Variants in ABCC4 observed in about 807,000 individuals in gnomAD.
ABCC4 encodes ATP binding cassette subfamily C member 4 (PEL blood group), also known as ATP-binding cassette sub-family C member 4.
A neutral mutation model predicts 168.5 loss-of-function variants in ABCC4; 102 were observed. That is an observed-to-expected ratio of 0.61 (90% CI 0.52 to 0.71). ABCC4 has a LOEUF of 0.71. Among genes scored for constraint, ABCC4 ranks in the 30% least tolerant of loss-of-function variants. The probability of loss-of-function intolerance (pLI) is 0.00; values close to 1 mark genes in which losing one functional copy is unlikely to be tolerated. For synonymous variants in ABCC4, 617 were observed against 590.7 expected (o/e 1.04, Z -0.65); for missense variants, 1,402 against 1,605.8 (o/e 0.87, Z 2.17).
At chr13:95,082,645 T>A (rs1280018839) in intron 21 of ABCC4, among the ~76,000 whole-genome samples, 1 of 152,210 alleles carries the variant, frequency 6.6e-6, no homozygotes, top group Non-Finnish European at 1.5e-5. Context: ...GCAAAAGTCA[T>A]AAATTTACCA....
At chr13:95,074,136 G>T in intron 23 of ABCC4, 78 bp downstream of exon 23, 4 of 1,107,310 alleles carry the variant, frequency 3.6e-6, no homozygotes, top group Non-Finnish European at 5.2e-6. Context: ...AGTAGACAAG[G>T]TGGCAAGAGT....
chr13:95,240,169 G>A (rs1172660210), intron 3 of ABCC4, among the ~76,000 whole-genome samples: 2 of 152,224 alleles, frequency 1.3e-5, no homozygotes, highest in African/African-American at 4.8e-5. Context: ...GGTCACAAGA[G>A]GGGAGGAGGG....
chr13:95,223,866 A>G (rs1391269607), intron 4 of ABCC4, among the ~76,000 whole-genome samples: 1 of 152,192 alleles, frequency 6.6e-6, no homozygotes, highest in Non-Finnish European at 1.5e-5. Context: ...GAAATAAAGG[A>G]GAAAAGAAAA....
chr13:95,216,199 T>G (rs2039104430), intron 4 of ABCC4, among the ~76,000 whole-genome samples: 1 of 152,214 alleles, frequency 6.6e-6, no homozygotes, highest in South Asian at 2.1e-4. Context: ...AAGCAATTAT[T>G]TTTTCAATGA....
intron 19 of ABCC4, among the ~76,000 whole-genome samples, chr13:95,148,454 C>T (rs1480988497): frequency 6.6e-6 from 1 of 152,026 alleles, no homozygotes; most frequent in Non-Finnish European, 1.5e-5. Context: ...TGGGTGAAGT[C>T]AAAGGACATC....
chr13:95,221,277 G>A (rs934185771), intron 4 of ABCC4, among the ~76,000 whole-genome samples: 1 of 152,118 alleles, frequency 6.6e-6, no homozygotes, highest in Non-Finnish European at 1.5e-5. Flanking sequence ...TGCCCAGGAT[G>A]GCGTACAGTG....
chr13:95,285,645 T>C (rs2041238750), intron 1 of ABCC4, among the ~76,000 whole-genome samples: 1 of 152,114 alleles, frequency 6.6e-6, no homozygotes, highest in Admixed American at 6.6e-5. Flanking sequence ...GCAGCCGAGC[T>C]GAGAGGTAGG....
rs58749262 is a variant in ABCC4, at chr13:95,208,608, C to CTTT, written c.786-686_786-684dup. 2.4e-4 allele frequency among the ~76,000 whole-genome samples: 18 copies of CTTT among 74,656 alleles called. 1 individual carries two copies. The highest frequency in any genetic ancestry group is 1.9e-3 in the East Asian group (4 of 2,072). The allele number at this position is 74,656 out of a possible 152,430, so 49.0% of individuals were successfully genotyped here. Reference sequence around the variant, plus strand: ...AATCTCTTGATCAAAAGCTGTATTTCTTTTTTTTTTTTTTTTTTTTTTTTT... The same window carrying CTTT: ...AATCTCTTGATCAAAAGCTGTATTTCTTTTTTTTTTTTTTTTTTTTTTTTTTTT... On this transcript the variant is annotated intron_variant, in intron 6 of 30. Transcript: ENST00000645237.
chr13:95,170,337 G>C (rs1379854159), intron 14 of ABCC4, 195 bp downstream of exon 14: 3 of 457,168 alleles, frequency 6.6e-6, no homozygotes, highest in African/African-American at 4.0e-5. Flanking sequence ...TAGTAACCTT[G>C]AGGTAGCAAT....
chr13:95,275,441 A>G (rs907628358), intron 1 of ABCC4, among the ~76,000 whole-genome samples: 2 of 152,178 alleles, frequency 1.3e-5, no homozygotes, highest in African/African-American at 4.8e-5. Context: ...TGTAAACAAA[A>G]CACACAAAGC....
intron 1 of ABCC4, among the ~76,000 whole-genome samples, chr13:95,291,629 G>C (rs2138953202): frequency 6.6e-6 from 1 of 152,290 alleles, no homozygotes; most frequent in East Asian, 1.9e-4. Context: ...ATTTGCATAG[G>C]GATAGAAGAG....
Position 95,020,714 on chromosome 13 carries a change from C to T in ABCC4, c.*861G>A, listed in dbSNP as rs1299471610. The T allele has an allele frequency of 6.6e-6, 1 of 152,204 alleles. No individual in the cohort carries two copies. Among genetic ancestry groups the T allele is most frequent in the Admixed American group, 6.5e-5 (1 of 15,282 alleles). The allele number at this position is 152,204 out of a possible 1,614,324, so 9.4% of individuals were successfully genotyped here. ...GGCTTACAGTCAACAGAGGGTTAGC[C>T]TTCCATAAATGAGAAATCCAAAAAA... On this transcript the variant is annotated 3_prime_UTR_variant, in exon 31 of 31. Coordinates refer to ENST00000645237, the MANE Select transcript of ABCC4 (RefSeq NM_005845.5).
intron 1 of ABCC4, among the ~76,000 whole-genome samples, chr13:95,277,091 A>G (rs144460570): frequency 1.1e-4 from 17 of 152,294 alleles, no homozygotes; most frequent in East Asian, 7.7e-4. Context: ...CTAACCAGGA[A>G]TCTCAACAAC....
intron 19 of ABCC4, among the ~76,000 whole-genome samples, chr13:95,147,826 G>A (rs1033301652): frequency 1.3e-5 from 2 of 151,916 alleles, no homozygotes; most frequent in South Asian, 2.1e-4. Context: ...CAGCTGTATC[G>A]TTTTCAAACA....
chr13:95,287,800 T>C (rs958776294), intron 1 of ABCC4, among the ~76,000 whole-genome samples: 3 of 151,692 alleles, frequency 2.0e-5, no homozygotes, highest in South Asian at 4.2e-4. Flanking sequence ...CTCAGCACTT[T>C]GGGAGGCCAA....
At chr13:95,034,464 A>C in intron 30 of ABCC4, 141 bp downstream of exon 30, 1 of 1,270,014 alleles carries the variant, frequency 7.9e-7, no homozygotes, top group East Asian at 2.5e-5. Context: ...CGTGCCGTTA[A>C]GACCCACTCA....
At chr13:95,102,116 T>C (rs2034830586) in intron 20 of ABCC4, among the ~76,000 whole-genome samples, 1 of 152,138 alleles carries the variant, frequency 6.6e-6, no homozygotes, top group Non-Finnish European at 1.5e-5. Flanking sequence ...TCCCATTCCA[T>C]CCTACACTAC....
At chr13:95,244,255 T>C (rs1295432164) in intron 3 of ABCC4, among the ~76,000 whole-genome samples, 1 of 152,018 alleles carries the variant, frequency 6.6e-6, no homozygotes, top group Non-Finnish European at 1.5e-5. Context: ...AGGCACATTA[T>C]ATAACTACAT....
intron 30 of ABCC4, among the ~76,000 whole-genome samples, chr13:95,025,247 C>CCA (rs141043385): frequency 2.0e-4 from 8 of 40,438 alleles, no homozygotes; most frequent in Admixed American, 3.4e-4. Flanking sequence ...ACACACACAC[C>CCA]CACACACACA....
Sources: allele counts gnomAD v4.1 joint callset (sites outside exome capture counted in the v4.1 genomes callset), GRCh38; gene constraint gnomAD v4.1.1; transcripts MANE v1.5; gene names NCBI Gene and HGNC (gene_info 2026-07-23, HGNC 2026-07-21).